The following CNTNAP2 variants were observed in gnomAD, a reference collection of about 807,000 sequenced individuals.
CNTNAP2 encodes the protein contactin associated protein 2.
CNTNAP2 carries 98 observed loss-of-function variants against 155.2 expected under a neutral mutation model. The ratio of observed to expected loss-of-function variants is 0.63; its 90% CI spans 0.54 to 0.75. The LOEUF (loss-of-function observed/expected upper bound fraction) is 0.75, where lower values mean the gene tolerates loss of function less well. Among genes scored for constraint, CNTNAP2 ranks in the 30% least tolerant of loss-of-function variants. CNTNAP2 has a pLI of 0.00. For synonymous variants in CNTNAP2, 651 were observed against 631.2 expected (o/e 1.03, Z -0.47); for missense variants, 1,727 against 1,688.1 (o/e 1.02, Z -0.40).
chr7:148,158,979 C>T (rs1279662029), intron 17 of CNTNAP2, among the ~76,000 whole-genome samples: 4 of 152,146 alleles, frequency 2.6e-5, no homozygotes, highest in Admixed American at 6.5e-5. Flanking sequence ...GATAGATCCT[C>T]GCAGCCCCAT....
intron 1 of CNTNAP2, among the ~76,000 whole-genome samples, chr7:146,575,459 C>T (rs1798510223): frequency 6.6e-6 from 1 of 152,092 alleles, no homozygotes; most frequent in African/African-American, 2.4e-5. Flanking sequence ...TAAATATTTA[C>T]TTGTAATTAA....
chr7:147,294,348 G>C (rs1805381746), intron 8 of CNTNAP2, among the ~76,000 whole-genome samples: 2 of 152,150 alleles, frequency 1.3e-5, no homozygotes, highest in South Asian at 2.1e-4. Flanking sequence ...TCTAATGTCT[G>C]CACAGGCAAC....
intron 8 of CNTNAP2, among the ~76,000 whole-genome samples, chr7:147,138,137 G>T (rs1479466631): frequency 2.6e-5 from 4 of 151,710 alleles, no homozygotes; most frequent in Non-Finnish European, 4.4e-5. Context: ...AAAATTTCCG[G>T]TAAAGGCAAA....
intron 12 of CNTNAP2, among the ~76,000 whole-genome samples, chr7:147,607,655 C>T (rs150812995): frequency 2.0e-5 from 3 of 152,228 alleles, no homozygotes; most frequent in South Asian, 2.1e-4. Context: ...TGAAAGGCAG[C>T]GCCATCTTAG....
At chr7:146,130,918 C>T (rs1797704028) in intron 1 of CNTNAP2, among the ~76,000 whole-genome samples, 1 of 152,188 alleles carries the variant, frequency 6.6e-6, no homozygotes, top group Non-Finnish European at 1.5e-5. Context: ...ATCATTTGAA[C>T]AGCATAGGGG....
At chr7:147,280,346 C>A (rs879648657) in intron 8 of CNTNAP2, among the ~76,000 whole-genome samples, 1 of 151,858 alleles carries the variant, frequency 6.6e-6, no homozygotes. Context: ...GGTCACACAT[C>A]CTCCAGCAAG....
chr7:148,221,266 G>A (rs1795743913), intron 19 of CNTNAP2, among the ~76,000 whole-genome samples: 1 of 152,164 alleles, frequency 6.6e-6, no homozygotes, highest in Non-Finnish European at 1.5e-5. Context: ...CCCATGAGCT[G>A]CACAACTCTA....
chr7:146,555,290 C>G (rs1406441724), intron 1 of CNTNAP2, among the ~76,000 whole-genome samples: 1 of 152,166 alleles, frequency 6.6e-6, no homozygotes, highest in Non-Finnish European at 1.5e-5. Context: ...GAAAAGAAAC[C>G]TTTGCTTTAG....
At chr7:146,250,582 C>T (rs1384463224) in intron 1 of CNTNAP2, among the ~76,000 whole-genome samples, 4 of 152,140 alleles carry the variant, frequency 2.6e-5, no homozygotes, top group African/African-American at 7.2e-5. Flanking sequence ...CCCATGACTT[C>T]TGCTTACCCG....
At chr7:146,288,297 CAA>C (rs570614933) in intron 1 of CNTNAP2, among the ~76,000 whole-genome samples, 4,004 of 91,186 alleles carry the variant, frequency 0.044, 165 homozygotes, top group African/African-American at 0.12. Context: ...GATCCTGCCT[CAA>C]AAAAAAAAAA....
At chr7:147,320,562 T>G (rs1795331867) in intron 9 of CNTNAP2, among the ~76,000 whole-genome samples, 1 of 152,218 alleles carries the variant, frequency 6.6e-6, no homozygotes, top group Admixed American at 6.5e-5. Context: ...CAAATCCATC[T>G]CTGATGATGT....
intron 3 of CNTNAP2, among the ~76,000 whole-genome samples, chr7:146,868,012 C>T (rs1285994971): frequency 6.6e-6 from 1 of 152,128 alleles, no homozygotes; most frequent in Non-Finnish European, 1.5e-5. Flanking sequence ...TGCAGAAACG[C>T]TCTTAAGTTT....
At chr7:146,740,928 C>T (rs1801704938) in intron 1 of CNTNAP2, among the ~76,000 whole-genome samples, 1 of 152,146 alleles carries the variant, frequency 6.6e-6, no homozygotes, top group Non-Finnish European at 1.5e-5. Flanking sequence ...TATGTGGTCT[C>T]ACCTGGTGAG....
chr7:147,926,898 C>A (rs986156000), intron 14 of CNTNAP2, among the ~76,000 whole-genome samples: 1 of 152,134 alleles, frequency 6.6e-6, no homozygotes, highest in East Asian at 1.9e-4. Context: ...GAGATGTCTA[C>A]AGAATATATT....
At chr7:147,945,470 G>A (rs992097459) in intron 14 of CNTNAP2, among the ~76,000 whole-genome samples, 8 of 152,142 alleles carry the variant, frequency 5.3e-5, no homozygotes, top group African/African-American at 1.2e-4. Flanking sequence ...GCAGGAAAGC[G>A]GTAAAGCAAA....
rs1490418389 is a variant in CNTNAP2, at chr7:148,106,493, G to GATAGATAGATATATATATATATATATAT, written c.2384-11622_2384-11621insGATAGATATATATATATATATATATATA. On this transcript the variant is annotated intron_variant, in intron 15 of 23. Transcript: ENST00000361727. ...CACTTCAGTGTACTGCACACTTTGA[G>GATAGATAGATATATATATATATATATAT]ATATATATATATATATATATATATA... Among the ~76,000 whole-genome samples the GATAGATAGATATATATATATATATATAT allele has an allele frequency of 4.5e-4, 56 of 124,908 alleles. 1 individual carries two copies. Among genetic ancestry groups the GATAGATAGATATATATATATATATATAT allele is most frequent in the African/African-American group, 6.2e-4 (18 of 28,994 alleles). The allele number at this position is 124,908 out of a possible 152,430, so 81.9% of individuals were successfully genotyped here. A position where few individuals can be genotyped will look rare whatever the true frequency, so the allele number is the denominator to read the frequency against.
intron 20 of CNTNAP2, among the ~76,000 whole-genome samples, chr7:148,256,432 A>G (rs896597659): frequency 2.0e-5 from 3 of 152,138 alleles, no homozygotes; most frequent in African/African-American, 7.2e-5. Flanking sequence ...CTAACTTGAT[A>G]AACATCCATT....
At chr7:147,176,613 T>C (rs554149949) in intron 8 of CNTNAP2, among the ~76,000 whole-genome samples, 1 of 144,250 alleles carries the variant, frequency 6.9e-6, no homozygotes, top group Non-Finnish European at 1.5e-5. Flanking sequence ...ATATGTATAA[T>C]ATACTTACAT....
chr7:146,931,119 T>C (rs1429350168), intron 3 of CNTNAP2, among the ~76,000 whole-genome samples: 1 of 151,182 alleles, frequency 6.6e-6, no homozygotes, highest in African/African-American at 2.4e-5. Flanking sequence ...CCACCCCAAA[T>C]CAACAGAATA....
Sources: gnomAD v4.1 joint callset for allele counts (sites outside exome capture counted in the v4.1 genomes callset) on GRCh38, gnomAD v4.1.1 for gene constraint, MANE v1.5 for transcripts, NCBI Gene and HGNC (gene_info 2026-07-23, HGNC 2026-07-21) for gene names.